Variants in GRID2 observed in about 807,000 individuals in gnomAD.
The protein encoded by GRID2 is glutamate ionotropic receptor delta type subunit 2.
A neutral mutation model predicts 114.8 loss-of-function variants in GRID2; 33 were observed. The observed-to-expected ratio is 0.29, with a 90% CI of 0.22 to 0.38. GRID2 has a LOEUF of 0.38. GRID2 is among the 10% of genes least tolerant of loss of function. GRID2 has a pLI of 1.00. For missense variants in GRID2, 1,184 were observed against 1,257.7 expected (o/e 0.94, Z 0.89); for synonymous variants, 505 against 449.9 (o/e 1.12, Z -1.55).
chr4:93,706,460 G>A (rs193038116), intron 14 of GRID2, among the ~76,000 whole-genome samples: 54 of 151,992 alleles, frequency 3.6e-4, no homozygotes, highest in Admixed American at 2.4e-3. Flanking sequence ...CCTAGATATT[G>A]CATCTTATGT....
chr4:92,892,918 A>C (rs1456362550), intron 2 of GRID2, among the ~76,000 whole-genome samples: 3 of 152,230 alleles, frequency 2.0e-5, no homozygotes, highest in South Asian at 2.1e-4. Context: ...CATAAAATAA[A>C]ACAGCATGCA....
intron 2 of GRID2, among the ~76,000 whole-genome samples, chr4:92,780,895 G>A (rs1739041357): frequency 6.6e-6 from 1 of 152,156 alleles, no homozygotes; most frequent in South Asian, 2.1e-4. Flanking sequence ...TAGGACATTG[G>A]CAAATGACTA....
chr4:92,462,320 T>C (rs1231892064), intron 1 of GRID2, among the ~76,000 whole-genome samples: 1 of 152,040 alleles, frequency 6.6e-6, no homozygotes, highest in Non-Finnish European at 1.5e-5. Flanking sequence ...TCAAGCAGGA[T>C]TGCTGACTAT....
At chr4:93,229,705 T>A (rs1022375425) in intron 7 of GRID2, among the ~76,000 whole-genome samples, 4 of 152,112 alleles carry the variant, frequency 2.6e-5, no homozygotes, top group Non-Finnish European at 4.4e-5. Flanking sequence ...CAAGTTTCTC[T>A]CCCTAAATTA....
At chr4:92,736,750 C>T (rs1469785142) in intron 2 of GRID2, among the ~76,000 whole-genome samples, 2 of 152,176 alleles carry the variant, frequency 1.3e-5, no homozygotes, top group East Asian at 3.9e-4. Context: ...GGGCCCTAAA[C>T]ATTTCAACGT....
chr4:93,123,178 C>T (rs1733954258), intron 4 of GRID2, among the ~76,000 whole-genome samples: 1 of 152,146 alleles, frequency 6.6e-6, no homozygotes, highest in Middle Eastern at 3.4e-3. Context: ...CAGTTTGCTA[C>T]TAACTTCTCC....
At chr4:92,706,802 G>T (rs573770340) in intron 2 of GRID2, among the ~76,000 whole-genome samples, 1 of 152,188 alleles carries the variant, frequency 6.6e-6, no homozygotes, top group South Asian at 2.1e-4. Context: ...ATTAAATTCA[G>T]ATTAAATTCT....
At chr4:92,670,188 G>T (rs1309325564) in intron 2 of GRID2, among the ~76,000 whole-genome samples, 2 of 151,986 alleles carry the variant, frequency 1.3e-5, no homozygotes, top group Non-Finnish European at 2.9e-5. Flanking sequence ...TACCACTATT[G>T]CAATATTCTT....
At chr4:93,524,801 ATATATATATATATGTATG>A in intron 13 of GRID2, among the ~76,000 whole-genome samples, 1 of 80,208 alleles carries the variant, frequency 1.2e-5, no homozygotes, top group South Asian at 4.8e-4. Context: ...ATATATATAT[ATATATATATATATGTATG>A]TATGTATATA....
chr4:92,852,296 C>G (rs1383597491), intron 2 of GRID2, among the ~76,000 whole-genome samples: 2 of 151,734 alleles, frequency 1.3e-5, no homozygotes, highest in African/African-American at 2.4e-5. Flanking sequence ...CATGCTCCAG[C>G]CAGTTCCAGT....
intron 2 of GRID2, among the ~76,000 whole-genome samples, chr4:93,049,669 A>G (rs1270430214): frequency 6.6e-6 from 1 of 152,100 alleles, no homozygotes; most frequent in Middle Eastern, 3.4e-3. Context: ...ACCCAGGGAA[A>G]TGAAAAATAT....
intron 2 of GRID2, among the ~76,000 whole-genome samples, chr4:92,607,524 C>T (rs1729516161): frequency 6.6e-6 from 1 of 151,786 alleles, no homozygotes; most frequent in African/African-American, 2.4e-5. Context: ...CCAAGATTTT[C>T]TTTTGCTTGG....
chr4:93,693,325 A>G (rs1726728036), intron 14 of GRID2, among the ~76,000 whole-genome samples: 2 of 152,178 alleles, frequency 1.3e-5, no homozygotes, highest in African/African-American at 4.8e-5. Flanking sequence ...CAACTTTGAC[A>G]TCTGCTTCGC....
intron 13 of GRID2, among the ~76,000 whole-genome samples, chr4:93,558,990 G>A (rs190967233): frequency 7.8e-4 from 118 of 152,196 alleles, no homozygotes; most frequent in African/African-American, 2.6e-3. Flanking sequence ...AAAACTACAT[G>A]ATAATCTCAA....
intron 2 of GRID2, among the ~76,000 whole-genome samples, chr4:93,007,821 A>G (rs1335224535): frequency 6.6e-6 from 1 of 152,002 alleles, no homozygotes; most frequent in Non-Finnish European, 1.5e-5. Flanking sequence ...CCAGTGGATC[A>G]CTTGAGGTCA....
At chr4:92,797,886 T>C (rs573399256) in intron 2 of GRID2, among the ~76,000 whole-genome samples, 18 of 152,052 alleles carry the variant, frequency 1.2e-4, no homozygotes, top group African/African-American at 3.9e-4. Context: ...CACCTACACT[T>C]ACATTCTAAA....
At chr4:93,343,745 C>G (rs756385540) in intron 8 of GRID2, among the ~76,000 whole-genome samples, 13 of 152,052 alleles carry the variant, frequency 8.5e-5, no homozygotes, top group Non-Finnish European at 1.6e-4. Flanking sequence ...AGCTCTACCT[C>G]ATCTTGAAGA....
intron 2 of GRID2, among the ~76,000 whole-genome samples, chr4:92,927,915 T>C (rs185711390): frequency 1.8e-4 from 27 of 151,856 alleles, no homozygotes; most frequent in Admixed American, 4.0e-4. Context: ...ATCTCAAATC[T>C]GAAAATCCAA....
intron 2 of GRID2, among the ~76,000 whole-genome samples, chr4:92,898,068 A>G (rs189175090): frequency 6.6e-6 from 1 of 152,324 alleles, no homozygotes; most frequent in Admixed American, 6.5e-5. Flanking sequence ...ATAAGAAAAT[A>G]CAAAACAAGT....
Sources: allele counts gnomAD v4.1 joint callset (sites outside exome capture counted in the v4.1 genomes callset), GRCh38; gene constraint gnomAD v4.1.1; transcripts MANE v1.5; gene names NCBI Gene and HGNC (gene_info 2026-07-23, HGNC 2026-07-21).